The following TSPEAR variants were observed in gnomAD, a reference collection of about 807,000 sequenced individuals.
The protein encoded by TSPEAR is thrombospondin-type laminin G domain and EAR repeat-containing protein.
Under a neutral mutation model 71.6 loss-of-function variants are expected in TSPEAR, and 69 were observed. The ratio of observed to expected loss-of-function variants is 0.96; its 90% confidence interval spans 0.79 to 1.18. The LOEUF (loss-of-function observed/expected upper bound fraction) is 1.18, where lower values mean the gene tolerates loss of function less well. TSPEAR is among the 50% of genes most tolerant of loss of function. TSPEAR has a pLI of 0.00. For missense variants in TSPEAR, 971 were observed against 894.9 expected, an observed-to-expected ratio of 1.09 and a Z score of -1.09; for synonymous variants, 402 against 387.2, an observed-to-expected ratio of 1.04 and a Z score of -0.45.
chr21:44,517,031 C>T (rs782790652), intron 9 of TSPEAR, among the ~76,000 whole-genome samples: 5 of 152,194 alleles, frequency 3.3e-5, no homozygotes, highest in Non-Finnish European at 5.9e-5. Flanking sequence ...CCTGGCCTGG[C>T]CCCTGTGTCT....
In TSPEAR at chr21:44,530,954, G is replaced by T; in HGVS notation, c.633+89C>A. 2.9e-6 allele frequency: 3 copies of T among 1,036,356 alleles called. No individual in the cohort carries two copies. The South Asian group carries it at 3.9e-5, about 13-fold the overall frequency. The allele number at this position is 1,036,356 out of a possible 1,614,324, so 64.2% of individuals were successfully genotyped here. A position where few individuals can be genotyped will look rare whatever the true frequency, so the allele number is the denominator to read the frequency against. On this transcript the variant is annotated intron_variant, in intron 4 of 11. Coordinates refer to ENST00000323084, the MANE Select transcript of TSPEAR (RefSeq NM_144991.3). ...TCTTTTCCCAGTTAGCACGTCCAAG[G>T]ATCTGTCAACTAGAGCAGTAGGACA...
At chr21:44,518,379 C>A in intron 9 of TSPEAR, 1 of 435,828 alleles carries the variant, frequency 2.3e-6, no homozygotes. Context: ...GGTGCAGTGT[C>A]GTGAAGAAGA....
In TSPEAR at chr21:44,498,432, G is replaced by A. The variant is rs782714134; in HGVS notation, c.*1351C>T. ...GACGGAGGGGAAGGAGGCTCTCGGC[G>A]ACTGCCCCCAGAGGGGAGTGGCTCT... On this transcript the variant is annotated 3_prime_UTR_variant, in exon 12 of 12. Transcript: ENST00000323084. The A allele has an allele frequency of 6.6e-6, 1 of 152,230 alleles. No individual in the cohort carries two copies. Among genetic ancestry groups the A allele is most frequent in the African/African-American group, 2.4e-5 (1 of 41,450 alleles). The allele number at this position is 152,230 out of a possible 1,614,324, so 9.4% of individuals were successfully genotyped here.
At position 44,593,111 on chromosome 21, in the gene TSPEAR, G is replaced by A. The variant is rs1980109345; in HGVS notation, c.83-25106C>T. 6.6e-6 allele frequency among the ~76,000 whole-genome samples: 1 copy of A among 152,230 alleles called. No individual in the cohort carries two copies. The highest frequency in any genetic ancestry group is 1.5e-5 in the Non-Finnish European group (1 of 68,044). On this transcript the variant is annotated intron_variant, in intron 1 of 11. Coordinates refer to ENST00000323084, the MANE Select transcript of TSPEAR (RefSeq NM_144991.3). This position sits in a 1 kb window ranked among gnomAD's most constrained non-coding sequence, Gnocchi z 5.9. ...CGTCTTTGTGTTTTGGAGGCAGCAG[G>A]ACCTGTGTGTTCCAGGGCAAGGACG...
At chr21:44,666,688 G>GCA (rs1412242769) in intron 1 of TSPEAR, 21 of 1,613,870 alleles carry the variant, frequency 1.3e-5, no homozygotes, top group South Asian at 2.2e-5. Context: ...AAGCTCATGG[G>GCA]CACACACACA....
chr21:44,499,947 G>C lies in TSPEAR; in HGVS notation c.1857-11C>G. 12 of 1,598,328 alleles carry C rather than the reference G, an allele frequency of 7.5e-6. No individual in the cohort carries two copies. The highest frequency in any genetic ancestry group is 1.0e-5 in the Non-Finnish European group (12 of 1,175,176). The stretch of plus-strand genomic sequence containing the variant: ...TCGTAGCCCTGCCACCTGCGGAACA[G>C]ACAGCGGCAGCCGGGTCAGCCTGGG... On this transcript the variant is annotated splice_polypyrimidine_tract_variant and intron_variant, in intron 11 of 11. Coordinates refer to ENST00000323084, the MANE Select transcript of TSPEAR (RefSeq NM_144991.3).
chr21:44,522,239 C>T (rs1210039794), intron 8 of TSPEAR, 127 bp from the exon 9 acceptor site: 14 of 798,272 alleles, frequency 1.8e-5, no homozygotes, highest in African/African-American at 3.4e-5. Flanking sequence ...CAAGGCCAAC[C>T]GCTGGGGACA....
intron 1 of TSPEAR, among the ~76,000 whole-genome samples, chr21:44,669,226 C>T (rs1287116301): frequency 6.6e-6 from 1 of 152,130 alleles, no homozygotes; most frequent in Admixed American, 6.5e-5. Context: ...AGATCGAGAC[C>T]ATCCTGGCTA....
chr21:44,513,339 C>T (rs1436246523), intron 9 of TSPEAR, among the ~76,000 whole-genome samples: 2 of 152,138 alleles, frequency 1.3e-5, no homozygotes. Flanking sequence ...CTGTGCCAAC[C>T]CAGGCAGAGG....
At chr21:44,628,710 A>G (rs1173794624) in intron 1 of TSPEAR, among the ~76,000 whole-genome samples, 2 of 147,570 alleles carry the variant, frequency 1.4e-5, no homozygotes, top group Admixed American at 1.3e-4. Flanking sequence ...GGCAGGCCCC[A>G]GCTGTGCTGG....
intron 1 of TSPEAR, among the ~76,000 whole-genome samples, chr21:44,691,008 A>G (rs373395871): frequency 5.5e-4 from 84 of 152,204 alleles, no homozygotes; most frequent in African/African-American, 2.0e-3. Flanking sequence ...CAGCTTCTCT[A>G]ATTTAAAGTG....
chr21:44,624,570 G>A (rs1555934004), intron 1 of TSPEAR, among the ~76,000 whole-genome samples: 1 of 152,198 alleles, frequency 6.6e-6, no homozygotes, highest in Non-Finnish European at 1.5e-5. Flanking sequence ...GATCATATGA[G>A]TTCAATACGA....
rs58813679 is a variant in TSPEAR at position 44,535,194 on chromosome 21, GTA to G, written c.304-1273_304-1272del. 7.9e-3 allele frequency among the ~76,000 whole-genome samples: 1,198 copies of G among 152,246 alleles called. 20 individuals carry two copies. The highest frequency in any genetic ancestry group is 0.028 in the African/African-American group (1,143 of 41,538). On this transcript the variant is annotated intron_variant, in intron 2 of 11. Transcript: ENST00000323084. ...ATGGATGTCCTGAATGCCACTGACT[GTA>G]CCCTTAAAAATAGTTTCGATGGTAA...
At chr21:44,599,286 C>A (rs149811802) in intron 1 of TSPEAR, among the ~76,000 whole-genome samples, 114 of 152,292 alleles carry the variant, frequency 7.5e-4, no homozygotes, top group African/African-American at 2.4e-3. Flanking sequence ...CACCGTGTAA[C>A]TGAATTTCTA....
chr21:44,702,103 A>T, intron 1 of TSPEAR: 1 of 932,614 alleles, frequency 1.1e-6, no homozygotes, highest in Non-Finnish European at 1.6e-6. Context: ...AGGCAGGGAA[A>T]CTTCACCCAG....
chr21:44,618,303 T>C (rs370521881), intron 1 of TSPEAR, among the ~76,000 whole-genome samples: 26 of 152,330 alleles, frequency 1.7e-4, no homozygotes, highest in African/African-American at 5.8e-4. Context: ...TGCTTCCCCA[T>C]TGCCTTCCAC....
At position 44,698,811 on chromosome 21, in the gene TSPEAR, G is replaced by C. The variant is rs541379380; in HGVS notation, c.82+12622C>G. Among the ~76,000 whole-genome samples, 8 of 152,354 alleles carry C rather than the reference G, an allele frequency of 5.3e-5. 1 individual carries two copies. The highest frequency in any genetic ancestry group is 1.9e-4 in the African/African-American group (8 of 41,576). On this transcript the variant is annotated intron_variant, in intron 1 of 11. Transcript: ENST00000323084. ...TACTGCCCCTACAACTCCCGTGTCT[G>C]AAGCCTACTGCCCAGATCATGAATA... is the stretch of plus-strand genomic sequence containing the variant.
chr21:44,679,275 A>G (rs915176471), intron 1 of TSPEAR, among the ~76,000 whole-genome samples: 1 of 152,210 alleles, frequency 6.6e-6, no homozygotes. Context: ...AGACCTGCCC[A>G]TGGAACACAA....
chr21:44,556,191 T>G (rs1444116255), intron 2 of TSPEAR, among the ~76,000 whole-genome samples: 138 of 134,392 alleles, frequency 1.0e-3, no homozygotes, highest in Middle Eastern at 5.3e-3. Context: ...GCCTGGCCAA[T>G]GTGGTGAAAC....
Sources: gnomAD v4.1 joint callset for allele counts (sites outside exome capture counted in the v4.1 genomes callset) on GRCh38, gnomAD v4.1.1 for gene constraint, Gnocchi (gnomAD v3.1) non-coding constraint, MANE v1.5 for transcripts, NCBI Gene and HGNC (gene_info 2026-07-23, HGNC 2026-07-21) for gene names.